SNTB1: variants seen among roughly 807,000 people sequenced by gnomAD.
SNTB1 encodes beta-1-syntrophin.
SNTB1 carries 36 observed loss-of-function variants against 48.9 expected under a neutral mutation model. The observed-to-expected ratio is 0.74, with a 90% CI of 0.56 to 0.97. The LOEUF (loss-of-function observed/expected upper bound fraction) is 0.97, where lower values mean the gene tolerates loss of function less well. SNTB1 is among the 50% of genes least tolerant of loss of function. The pLI, the probability that SNTB1 is intolerant of heterozygous loss-of-function variation, is 0.00. For missense variants in SNTB1, 786 were observed against 703.4 expected (o/e 1.12, Z -1.33); for synonymous variants, 299 against 294.6 (o/e 1.01, Z -0.15).
At chr8:120,672,196 G>T (rs1167136805) in intron 2 of SNTB1, among the ~76,000 whole-genome samples, 2 of 152,170 alleles carry the variant, frequency 1.3e-5, no homozygotes, top group African/African-American at 4.8e-5. Context: ...AGTAGGGTAG[G>T]TGTATTAAAT....
chr8:120,768,379 G>T (rs1411868594), intron 1 of SNTB1, among the ~76,000 whole-genome samples: 1 of 152,154 alleles, frequency 6.6e-6, no homozygotes, highest in Non-Finnish European at 1.5e-5. Flanking sequence ...AAGGCAGCAG[G>T]TATTAACTGA....
In SNTB1 at chr8:120,786,902, G is replaced by A. The variant is rs373665978; in HGVS notation, c.571+24371C>T. On this transcript the variant is annotated intron_variant, in intron 1 of 6. Transcript: ENST00000517992. ...TTTTACCCATAGCCATCTCCCACTC[G>A]CCTGAAGCCTGAACTGTTCAACCCA... Among the ~76,000 whole-genome samples, 21 of 152,210 alleles carry A rather than the reference G, an allele frequency of 1.4e-4. No homozygotes were observed. The East Asian group carries it at 2.9e-3, about 21-fold the overall frequency.
intron 1 of SNTB1, among the ~76,000 whole-genome samples, chr8:120,707,199 A>G (rs1818392211): frequency 6.6e-6 from 1 of 152,130 alleles, no homozygotes; most frequent in African/African-American, 2.4e-5. Flanking sequence ...TATTTTTTTG[A>G]GACTTCCATG....
At chr8:120,653,390 C>G (rs1587065463) in intron 2 of SNTB1, among the ~76,000 whole-genome samples, 1 of 152,176 alleles carries the variant, frequency 6.6e-6, no homozygotes, top group Admixed American at 6.5e-5. Flanking sequence ...CAGGGAATGC[C>G]AATGAGGGCA....
intron 3 of SNTB1, among the ~76,000 whole-genome samples, chr8:120,605,826 T>C (rs1040880809): frequency 6.6e-6 from 1 of 152,098 alleles, no homozygotes; most frequent in African/African-American, 2.4e-5. Context: ...GTGTCAGCCT[T>C]ATGGAATCTT....
At chr8:120,693,941 A>G in intron 1 of SNTB1, 33 bp from the exon 2 acceptor site, 1 of 1,522,772 alleles carries the variant, frequency 6.6e-7, no homozygotes, top group Non-Finnish European at 9.1e-7. Flanking sequence ...TGCTTTTAAT[A>G]CATCACGGCT....
intron 4 of SNTB1, among the ~76,000 whole-genome samples, chr8:120,550,401 G>A (rs1389171823): frequency 6.6e-6 from 1 of 152,056 alleles, no homozygotes; most frequent in Non-Finnish European, 1.5e-5. Flanking sequence ...AATTAGCCTG[G>A]CATGGTGGCA....
intron 2 of SNTB1, among the ~76,000 whole-genome samples, chr8:120,684,459 T>C: frequency 6.6e-6 from 1 of 152,126 alleles, no homozygotes; most frequent in East Asian, 1.9e-4. Context: ...CTAAATCACA[T>C]GTAAGTGAGA....
intron 3 of SNTB1, among the ~76,000 whole-genome samples, chr8:120,606,409 ATGTG>A (rs10559437): frequency 0.032 from 4,787 of 147,706 alleles, 205 homozygotes; most frequent in African/African-American, 0.096. Context: ...GTGTGTATAT[ATGTG>A]TGTGTGTGTG....
At chr8:120,793,185 A>G (rs1274908032) in intron 1 of SNTB1, among the ~76,000 whole-genome samples, 1 of 151,930 alleles carries the variant, frequency 6.6e-6, no homozygotes, top group Non-Finnish European at 1.5e-5. Flanking sequence ...GGGTGTGGAG[A>G]GTAAGTCTGG....
chr8:120,603,974 A>C (rs1294912791), intron 3 of SNTB1, among the ~76,000 whole-genome samples: 2 of 152,286 alleles, frequency 1.3e-5, no homozygotes, highest in Admixed American at 1.3e-4. Context: ...TGTCAGGCCA[A>C]GGCTTTGTCA....
At chr8:120,636,914 TG>T (rs1384350222) in intron 2 of SNTB1, 2 of 256,690 alleles carry the variant, frequency 7.8e-6, no homozygotes, top group Non-Finnish European at 1.7e-5. Context: ...CTGGTGAGCA[TG>T]GACTTCTTAA....
chr8:120,546,828 C>CTA (rs1416183697), intron 5 of SNTB1, among the ~76,000 whole-genome samples: 2 of 152,080 alleles, frequency 1.3e-5, no homozygotes, highest in Non-Finnish European at 2.9e-5. Flanking sequence ...ATCTATATAC[C>CTA]TATATATGTA....
chr8:120,556,624 ATGGTAT>A (rs1344188236), intron 4 of SNTB1, among the ~76,000 whole-genome samples: 2 of 152,172 alleles, frequency 1.3e-5, no homozygotes, highest in Non-Finnish European at 2.9e-5. Flanking sequence ...TGTACATATT[ATGGTAT>A]TGCAAAGATG....
chr8:120,733,994 G>A (rs533392377), intron 1 of SNTB1, among the ~76,000 whole-genome samples: 28 of 152,282 alleles, frequency 1.8e-4, no homozygotes, highest in African/African-American at 6.5e-4. Flanking sequence ...AAGGCTTATG[G>A]TGAGGAATTA....
intron 2 of SNTB1, among the ~76,000 whole-genome samples, chr8:120,664,825 C>T (rs990265046): frequency 1.1e-4 from 17 of 152,154 alleles, no homozygotes; most frequent in Non-Finnish European, 2.1e-4. Context: ...GTAGGTGTGC[C>T]TTTAACATTT....
chr8:120,787,347 A>G (rs2130143038), intron 1 of SNTB1, among the ~76,000 whole-genome samples: 1 of 152,304 alleles, frequency 6.6e-6, no homozygotes, highest in South Asian at 2.1e-4. Context: ...AGAAGAGTAT[A>G]CTAACTCTAC....
intron 3 of SNTB1, among the ~76,000 whole-genome samples, chr8:120,608,304 G>T (rs922484591): frequency 2.0e-5 from 3 of 152,210 alleles, no homozygotes; most frequent in Non-Finnish European, 4.4e-5. Context: ...GGGTGAAATT[G>T]TCGCTCCCCA....
chr8:120,776,279 C>T (rs1290212668), intron 1 of SNTB1: 1 of 152,232 alleles, frequency 6.6e-6, no homozygotes, highest in Non-Finnish European at 1.5e-5. Context: ...GGTCAGTTTC[C>T]TTGACTGACA....
Sources: allele counts gnomAD v4.1 joint callset (sites outside exome capture counted in the v4.1 genomes callset), GRCh38; gene constraint gnomAD v4.1.1; transcripts MANE v1.5; gene names NCBI Gene and HGNC (gene_info 2026-07-23, HGNC 2026-07-21).